CCDC171: variants seen among roughly 807,000 people sequenced by gnomAD.
CCDC171 encodes the protein coiled-coil domain-containing protein 171.
In CCDC171, 177 loss-of-function variants were observed where a neutral mutation model predicts 168.2. That is an observed-to-expected ratio of 1.05 (90% CI 0.93 to 1.19). CCDC171 has a LOEUF of 1.19. Among genes scored for constraint, CCDC171 ranks in the 50% most tolerant of loss-of-function variants. The pLI, the probability that CCDC171 is intolerant of heterozygous loss-of-function variation, is 0.00. For missense variants in CCDC171, 1,991 were observed against 1,539.0 expected (o/e 1.29, Z -4.91); for synonymous variants, 687 against 540.8 (o/e 1.27, Z -3.75).
intron 25 of CCDC171, among the ~76,000 whole-genome samples, chr9:15,958,527 T>TATTATATTATATTAC (rs1830035742): frequency 7.1e-6 from 1 of 140,700 alleles, no homozygotes; most frequent in African/African-American, 2.8e-5. Context: ...TATTATATTA[T>TATTATATTATATTAC]ATTATATTAT....
chr9:15,920,034 A>G (rs1006620313), intron 24 of CCDC171, among the ~76,000 whole-genome samples: 1 of 151,742 alleles, frequency 6.6e-6, no homozygotes, highest in Non-Finnish European at 1.5e-5. Context: ...CAATAGATCA[A>G]AGTACATCTT....
intron 3 of CCDC171, among the ~76,000 whole-genome samples, chr9:15,987,352 A>G (rs6474987): frequency 0.49 from 74,943 of 151,740 alleles, 19,864 homozygotes; most frequent in African/African-American, 0.7. Context: ...AAAATCATCC[A>G]TATTCCAAAC....
chr9:16,058,050 A>G (rs1034023355), intron 1 of CCDC171, among the ~76,000 whole-genome samples: 7 of 149,734 alleles, frequency 4.7e-5, no homozygotes, highest in Admixed American at 3.3e-4. Context: ...TTGAAAAAAA[A>G]AAAATAATAA....
At chr9:15,792,950 C>G (rs1166888427) in intron 21 of CCDC171, among the ~76,000 whole-genome samples, 1 of 152,166 alleles carries the variant, frequency 6.6e-6, no homozygotes, top group African/African-American at 2.4e-5. Flanking sequence ...ATCATAATGA[C>G]AGGAACAAAT....
intron 1 of CCDC171, among the ~76,000 whole-genome samples, chr9:15,555,986 A>C (rs545725643): frequency 9.9e-5 from 15 of 152,234 alleles, no homozygotes; most frequent in African/African-American, 3.6e-4. Flanking sequence ...TTCTAGCTTT[A>C]TCCATCTCCC....
At chr9:15,998,277 A>C (rs1832433231) in intron 3 of CCDC171, among the ~76,000 whole-genome samples, 1 of 152,206 alleles carries the variant, frequency 6.6e-6, no homozygotes, top group South Asian at 2.1e-4. Context: ...ATCTTTGCAG[A>C]GTATTTCCTC....
At chr9:15,677,983 C>T (rs1255979644) in intron 9 of CCDC171, among the ~76,000 whole-genome samples, 5 of 138,040 alleles carry the variant, frequency 3.6e-5, no homozygotes, top group Non-Finnish European at 7.7e-5. Flanking sequence ...AATCATAGCT[C>T]ACTGCAACCT....
Position 15,666,144 on chromosome 9 carries a change from C to T in CCDC171, c.916-19C>T. On this transcript the variant is annotated intron_variant, in intron 8 of 25. Coordinates refer to ENST00000380701, the MANE Select transcript of CCDC171 (RefSeq NM_173550.4). ...AGCATTTCTTAGCTTGATTTAATTA[C>T]TTGTCTGTCGTCCGGTAGTTACGGA... The T allele has an allele frequency of 6.2e-7, 1 of 1,608,206 alleles. No homozygotes were observed. The highest frequency in any genetic ancestry group is 1.7e-5 in the Admixed American group (1 of 58,986).
At chr9:16,046,717 T>C (rs1435079810) in intron 1 of CCDC171, among the ~76,000 whole-genome samples, 1 of 152,174 alleles carries the variant, frequency 6.6e-6, no homozygotes, top group Non-Finnish European at 1.5e-5. Flanking sequence ...TTCACTTGGC[T>C]CTCTCATTCT....
chr9:15,845,419 C>G (rs1031806542), intron 21 of CCDC171, among the ~76,000 whole-genome samples: 1 of 151,996 alleles, frequency 6.6e-6, no homozygotes, highest in African/African-American at 2.4e-5. Context: ...AAGTGAATGA[C>G]TGAATTTTAA....
At chr9:15,970,108 T>G (rs865884269) in intron 25 of CCDC171, among the ~76,000 whole-genome samples, 5 of 152,188 alleles carry the variant, frequency 3.3e-5, no homozygotes, top group South Asian at 2.1e-4. Context: ...CGTCAGCTAT[T>G]GGCCTGCAGT....
chr9:15,910,629 G>A (rs527264524), intron 24 of CCDC171, among the ~76,000 whole-genome samples: 4 of 152,184 alleles, frequency 2.6e-5, no homozygotes, highest in African/African-American at 7.2e-5. Context: ...CCTGTGCCAT[G>A]TTGGTTTGCT....
chr9:15,599,639 C>T (rs752218599), intron 6 of CCDC171, among the ~76,000 whole-genome samples: 1 of 152,018 alleles, frequency 6.6e-6, no homozygotes, highest in Non-Finnish European at 1.5e-5. Context: ...GGAGTTGCTC[C>T]TTTCGAGGAG....
the CCDC171 span, among the ~76,000 whole-genome samples, chr9:16,099,341 G>T: frequency 6.6e-6 from 1 of 152,190 alleles, no homozygotes; most frequent in Non-Finnish European, 1.5e-5. Flanking sequence ...TGGCAGAGGA[G>T]CCTCCAGGCT....
At position 15,729,672 on chromosome 9, in the gene CCDC171, T is replaced by C; in HGVS notation, c.1923T>C (p.Thr641=). 6.2e-7 allele frequency: 1 copy of C among 1,613,286 alleles called. No homozygotes were observed. Among genetic ancestry groups the C allele is most frequent in the Non-Finnish European group, 8.5e-7 (1 of 1,179,494 alleles). Reference sequence around the variant, plus strand: ...ACACGATGAGAGAGCTTCAGCAGACTCAGGAAGACACCTTTACCAAAGTGG... The same window carrying C: ...ACACGATGAGAGAGCTTCAGCAGACCCAGGAAGACACCTTTACCAAAGTGG... ...KSDTMRELQQ[T]QEDTFTKVAE... The change falls in exon 16 of 26, where the codon ACT becomes ACC. Residue 641 remains threonine (T), a synonymous_variant. Transcript: ENST00000380701.
intron 3 of CCDC171, among the ~76,000 whole-genome samples, chr9:15,575,068 A>G (rs2040531626): frequency 6.6e-6 from 1 of 152,110 alleles, no homozygotes; most frequent in East Asian, 1.9e-4. Context: ...GAGGCTATTC[A>G]GATATCTCAT....
chr9:15,965,008 C>T (rs527742387), intron 25 of CCDC171, among the ~76,000 whole-genome samples: 1 of 152,272 alleles, frequency 6.6e-6, no homozygotes, highest in South Asian at 2.1e-4. Flanking sequence ...GGTGATCTTC[C>T]AGCCTCGGCC....
At position 15,578,908 on chromosome 9, in the gene CCDC171, A is replaced by G; in HGVS notation, c.237A>G (p.Ala79=). ...GGTCCGAGGTTGAAAAGGGAGAAGC[A>G]TTGCGACAAAGTCTGGAATATGACC... ...KLRSEVEKGE[A]LRQSLEYDLA... is the part of the protein sequence containing the mutation. The change falls in exon 4 of 26, where the codon GCA becomes GCG. Residue 79 remains alanine (A), a synonymous_variant. Coordinates refer to ENST00000380701, the MANE Select transcript of CCDC171 (RefSeq NM_173550.4). 1.9e-6 allele frequency: 3 copies of G among 1,614,042 alleles called. No individual in the cohort carries two copies. Among genetic ancestry groups the G allele is most frequent in the South Asian group, 1.1e-5 (1 of 91,066 alleles).
intron 1 of CCDC171, among the ~76,000 whole-genome samples, chr9:15,556,250 C>T (rs2038787720): frequency 1.3e-5 from 2 of 150,496 alleles, no homozygotes; most frequent in Admixed American, 1.3e-4. Context: ...TTCTCTCTGG[C>T]TGCCAGTGAT....
Sources: gnomAD v4.1 joint callset for allele counts (sites outside exome capture counted in the v4.1 genomes callset) on GRCh38, gnomAD v4.1.1 for gene constraint, MANE v1.5 for transcripts, NCBI Gene and HGNC (gene_info 2026-07-23, HGNC 2026-07-21) for gene names.